The following TMEM235 variants were observed in gnomAD, a reference collection of about 807,000 sequenced individuals.
TMEM235 encodes the protein transmembrane protein 235.
Under a neutral mutation model 22.9 loss-of-function variants are expected in TMEM235, and 23 were observed. The ratio of observed to expected loss-of-function variants is 1.00; its 90% CI spans 0.72 to 1.42. The LOEUF (loss-of-function observed/expected upper bound fraction) is 1.42. TMEM235 is among the 40% of genes most tolerant of loss of function. The pLI is 0.00. For synonymous variants in TMEM235, 137 were observed against 140.5 expected, an observed-to-expected ratio of 0.98 and a Z score of 0.17; for missense variants, 308 against 299.5, an observed-to-expected ratio of 1.03 and a Z score of -0.21.
At position 78,236,233 on chromosome 17, in the gene TMEM235, C is replaced by T. The variant is rs140564394; in HGVS notation, c.409+1503C>T. ...ACCTGCTCTACTGGGTCAGATCATG[C>T]GGGGGGGCCTGGGGCCAGCCCCTCA... On this transcript the variant is annotated intron_variant, in intron 4 of 5. Transcript: ENST00000421688. Among the ~76,000 whole-genome samples, 822 of 152,164 alleles carry T rather than the reference C, an allele frequency of 5.4e-3. 6 individuals are homozygous for T. Among genetic ancestry groups the T allele is most frequent in the African/African-American group, 0.019 (774 of 41,524 alleles).
rs1368350207 is a variant in TMEM235 at position 78,232,229 on chromosome 17, G to T, written c.190+16G>T. 6.9e-7 allele frequency: 1 copy of T among 1,439,762 alleles called. No homozygotes were observed. The highest frequency in any genetic ancestry group is 9.1e-7 in the Non-Finnish European group (1 of 1,100,562). 89.2% of individuals were successfully genotyped at this position (1,439,762 alleles called of 1,614,324 possible). A position where few individuals can be genotyped will look rare whatever the true frequency, so the allele number is the denominator to read the frequency against. ...ATCTGCGAAGGTAACCGGCCACCGC[G>T]CCGGCCCTCCTCCCTCCGCGACCTC... On this transcript the variant is annotated intron_variant, in intron 2 of 5. Coordinates refer to ENST00000421688, the Ensembl canonical transcript of TMEM235.
chr17:78,234,216 T>C (rs1331792149), intron 3 of TMEM235: 4 of 697,906 alleles, frequency 5.7e-6, no homozygotes, highest in Admixed American at 2.0e-5. Flanking sequence ...CTCATCCCTT[T>C]GTTATTGGGG....
At chr17:78,233,622 G>A (rs2076608344) in intron 2 of TMEM235, among the ~76,000 whole-genome samples, 1 of 151,956 alleles carries the variant, frequency 6.6e-6, no homozygotes, top group African/African-American at 2.4e-5. Context: ...GCGAAACCGG[G>A]AGGCGGAGCT....
chr17:78,239,841 A>G, exon 6 of TMEM235: 2 of 1,551,398 alleles, frequency 1.3e-6, no homozygotes, highest in Non-Finnish European at 1.7e-6. Flanking sequence ...CGCCAGAGAG[A>G]TGCCGTCTCA....
At chr17:78,232,159 C>T (rs1486919143) in exon 2 of TMEM235, 2 of 1,487,710 alleles carry the variant, frequency 1.3e-6, no homozygotes, top group Non-Finnish European at 1.8e-6. Flanking sequence ...CAGCGCCTGG[C>T]CCGGGCGCGC....
rs996426439 is a variant in TMEM235, at chr17:78,232,228, C to T, written c.190+15C>T. 1 of 1,441,302 alleles carries T rather than the reference C, an allele frequency of 6.9e-7. No homozygotes were observed. The highest frequency in any genetic ancestry group is 2.2e-4 in the Middle Eastern group (1 of 4,636). The allele number at this position is 1,441,302 out of a possible 1,614,324, so 89.3% of individuals were successfully genotyped here. A position where few individuals can be genotyped will look rare whatever the true frequency, so the allele number is the denominator to read the frequency against. ...CATCTGCGAAGGTAACCGGCCACCG[C>T]GCCGGCCCTCCTCCCTCCGCGACCT... is the stretch of plus-strand genomic sequence containing the variant. On this transcript the variant is annotated intron_variant, in intron 2 of 5. Transcript: ENST00000421688.
chr17:78,238,855 G>A lies in TMEM235; in HGVS notation c.410-169G>A, dbSNP rs1047059004. On this transcript the variant is annotated intron_variant, in intron 4 of 5. Coordinates refer to ENST00000421688, the Ensembl canonical transcript of TMEM235. This position sits in a 1 kb window ranked among gnomAD's most constrained non-coding sequence, Gnocchi z 4.3. ...AGGTGGTGTCTGGGAGAGGCGGCCAGGTTGACAGCCAGGCAGGGCTAACCA... is the reference window on the plus strand; with the variant it reads ...AGGTGGTGTCTGGGAGAGGCGGCCAAGTTGACAGCCAGGCAGGGCTAACCA... 6.6e-6 allele frequency among the ~76,000 whole-genome samples: 1 copy of A among 152,088 alleles called. No homozygotes were observed. The highest frequency in any genetic ancestry group is 2.4e-5 in the African/African-American group (1 of 41,390).
intron 2 of TMEM235, among the ~76,000 whole-genome samples, chr17:78,233,436 G>C (rs1020885817): frequency 6.6e-6 from 1 of 152,224 alleles, no homozygotes; most frequent in Admixed American, 6.5e-5. Context: ...GGCTGGGCCC[G>C]GTGGCCCACG....
intron 4 of TMEM235, among the ~76,000 whole-genome samples, chr17:78,235,360 T>C (rs1165066737): frequency 6.6e-6 from 1 of 152,020 alleles, no homozygotes; most frequent in Non-Finnish European, 1.5e-5. Context: ...TGATCTCGAC[T>C]CACTGCAACC....
At chr17:78,232,339 T>C in intron 2 of TMEM235, 126 bp downstream of exon 1, 1 of 901,952 alleles carries the variant, frequency 1.1e-6, no homozygotes, top group South Asian at 2.3e-5. Context: ...CATCCCGCTC[T>C]GCCCCAGGGT....
exon 6 of TMEM235, chr17:78,240,560 G>T (rs2081111969): frequency 6.4e-6 from 1 of 155,328 alleles, no homozygotes; most frequent in Non-Finnish European, 1.4e-5. Context: ...GGTTCCCAGG[G>T]CCTGTACAAC....
In TMEM235 at chr17:78,233,895, G is replaced by A; in HGVS notation, c.191G>A (p.Gly64Glu). The A allele has an allele frequency of 3.3e-6, 5 of 1,535,912 alleles. No individual in the cohort carries two copies. In the South Asian group the frequency reaches 4.8e-5, roughly 15 times the overall value. The change falls in exon 3 of 6, where the codon GGG (glycine) becomes GAG (glutamate). Residue 64 changes from glycine (G) to glutamate (E), a missense_variant and splice_region_variant. Around this residue, in one of 2 missense-constraint regions of TMEM235, gnomAD observed 285 missense variants for 256.2 expected, o/e 1.11. Coordinates refer to ENST00000421688, the Ensembl canonical transcript of TMEM235. ...AGGCTTCGAGGCCTATGTTTCCCAGGGCAGAACGGCTGCATCCCGCTGGTC... is the reference window on the plus strand; with the variant it reads ...AGGCTTCGAGGCCTATGTTTCCCAGAGCAGAACGGCTGCATCCCGCTGGTC...
exon 2 of TMEM235, chr17:78,232,168 G>T: frequency 6.7e-7 from 1 of 1,488,096 alleles, no homozygotes; most frequent in Middle Eastern, 1.8e-4. Context: ...GCCCGGGCGC[G>T]CAGAGCTGCT....
rs191429074 is a variant in TMEM235, at chr17:78,234,759, C to T, written c.409+29C>T. The T allele has an allele frequency of 4.9e-5, 76 of 1,535,756 alleles. No individual in the cohort carries two copies. The African/African-American group carries it at 1.0e-3, about 20-fold the overall frequency. On this transcript the variant is annotated intron_variant, in intron 4 of 5. Coordinates refer to ENST00000421688, the Ensembl canonical transcript of TMEM235. Reference sequence around the variant, plus strand: ...AGTCTGGGGCCCTGGGGGAATGGCTCCAAAGATGGGAGCTGGGCCACAGGT... The same window carrying T: ...AGTCTGGGGCCCTGGGGGAATGGCTTCAAAGATGGGAGCTGGGCCACAGGT...
At chr17:78,235,291 T>C (rs886205670) in intron 4 of TMEM235, among the ~76,000 whole-genome samples, 2 of 135,038 alleles carry the variant, frequency 1.5e-5, no homozygotes, top group Admixed American at 7.4e-5. Flanking sequence ...TGTTACACAC[T>C]TTTTTTTTTT....
At chr17:78,231,899 G>A (rs1334795625) in exon 2 of TMEM235, 3 of 999,272 alleles carry the variant, frequency 3.0e-6, no homozygotes, top group Middle Eastern at 4.3e-4. Context: ...GCGGGGACGT[G>A]CTCAGAAGAG....
At chr17:78,231,583 G>C (rs1391005743) in exon 2 of TMEM235, 3 of 1,303,704 alleles carry the variant, frequency 2.3e-6, no homozygotes, top group African/African-American at 1.5e-5. Flanking sequence ...CTGCCTGGCC[G>C]GCCATCCTCC....
intron 2 of TMEM235, 54 bp from the exon 2 acceptor site, chr17:78,233,841 T>C: frequency 6.6e-7 from 1 of 1,507,512 alleles, no homozygotes; most frequent in Non-Finnish European, 8.9e-7. Context: ...TCGGGTAGGC[T>C]GCTGGGTGCA....
At position 78,239,006 on chromosome 17, in the gene TMEM235, T is replaced by G. The variant is rs2076676405; in HGVS notation, c.410-18T>G. 3.3e-6 allele frequency: 5 copies of G among 1,530,158 alleles called. No individual in the cohort carries two copies. The highest frequency in any genetic ancestry group is 2.7e-5 in the African/African-American group (2 of 72,850). 94.8% of individuals were successfully genotyped at this position (1,530,158 alleles called of 1,614,324 possible). ...TAGAGCAGACACCGAGCAGCTGCCC[T>G]CCCCATCTCTCCCCCAGGTGTCCTG... On this transcript the variant is annotated intron_variant, in intron 4 of 5. Transcript: ENST00000421688.
Sources: gnomAD v4.1 joint callset for allele counts (sites outside exome capture counted in the v4.1 genomes callset) on GRCh38, gnomAD v4.1.1 for gene constraint, gnomAD v4.1.1 regional missense constraint, Gnocchi (gnomAD v3.1) non-coding constraint, MANE v1.5 for transcripts, NCBI Gene and HGNC (gene_info 2026-07-23, HGNC 2026-07-21) for gene names.